Variants in RTKN2 observed in about 807,000 individuals in gnomAD.
RTKN2 encodes rhotekin-2.
Under a neutral mutation model 71.5 loss-of-function variants are expected in RTKN2, and 69 were observed. The ratio of observed to expected loss-of-function variants is 0.96; its 90% CI spans 0.79 to 1.18. RTKN2 has a LOEUF of 1.18. Among genes scored for constraint, RTKN2 ranks in the 50% most tolerant of loss-of-function variants. RTKN2 has a pLI of 0.00. For missense variants in RTKN2, 724 were observed against 719.7 expected, an observed-to-expected ratio of 1.01 and a Z score of -0.07; for synonymous variants, 236 against 236.5, an observed-to-expected ratio of 1.00 and a Z score of 0.02.
At chr10:62,214,567 A>C (rs1841727860) in intron 9 of RTKN2, among the ~76,000 whole-genome samples, 1 of 152,150 alleles carries the variant, frequency 6.6e-6, no homozygotes, top group Non-Finnish European at 1.5e-5. Flanking sequence ...GGCCATATAA[A>C]CATTGTCACC....
intron 1 of RTKN2, among the ~76,000 whole-genome samples, chr10:62,268,056 T>C (rs1842897606): frequency 6.6e-6 from 1 of 152,250 alleles, no homozygotes. Context: ...CAACTTTTTC[T>C]AAAGTGCAGA....
In RTKN2 at chr10:62,196,646, A is replaced by G. The variant is rs1841337825; in HGVS notation, c.*1262T>C. On this transcript the variant is annotated 3_prime_UTR_variant, in exon 12 of 12. Transcript: ENST00000373789. Reference sequence around the variant, plus strand: ...CTCAAGAGATTATACACAGGGCAGCAATTTAATTCTTAAATTTTTATTTCT... The same window carrying G: ...CTCAAGAGATTATACACAGGGCAGCGATTTAATTCTTAAATTTTTATTTCT... The G allele has an allele frequency of 1.0e-6, 1 of 984,910 alleles. No homozygotes were observed. Among genetic ancestry groups the G allele is most frequent in the East Asian group, 1.1e-4 (1 of 8,822 alleles). 61.0% of individuals were successfully genotyped at this position (984,910 alleles called of 1,614,324 possible).
At chr10:62,198,503 T>C (rs1841378311) in intron 11 of RTKN2, 60 bp from the exon 12 acceptor site, 3 of 1,227,824 alleles carry the variant, frequency 2.4e-6, no homozygotes, top group African/African-American at 3.0e-5. Flanking sequence ...GTACTTTATC[T>C]AAATAAGTTC....
intron 8 of RTKN2, among the ~76,000 whole-genome samples, 157 bp downstream of exon 8, chr10:62,218,038 G>A (rs1052916864): frequency 2.6e-5 from 4 of 151,748 alleles, no homozygotes; most frequent in African/African-American, 7.3e-5. Context: ...TTTTCACCCC[G>A]CACCCCCTAC....
chr10:62,209,502 G>T (rs1841616659), intron 9 of RTKN2, among the ~76,000 whole-genome samples: 1 of 151,950 alleles, frequency 6.6e-6, no homozygotes, highest in Non-Finnish European at 1.5e-5. Flanking sequence ...TACAAGTGCA[G>T]GTTTGTTACA....
chr10:62,241,247 T>C, intron 3 of RTKN2, 52 bp from the exon 4 acceptor site: 1 of 1,080,484 alleles, frequency 9.3e-7, no homozygotes, highest in Non-Finnish European at 1.4e-6. Flanking sequence ...TAAGTTTTAT[T>C]CTTTACAGTG....
At chr10:62,220,135 T>A (rs1417548860) in intron 7 of RTKN2, among the ~76,000 whole-genome samples, 1 of 152,214 alleles carries the variant, frequency 6.6e-6, no homozygotes, top group Non-Finnish European at 1.5e-5. Flanking sequence ...AGTTAATATA[T>A]ACATGCAAGG....
chr10:62,244,960 T>C (rs996636197), intron 3 of RTKN2, among the ~76,000 whole-genome samples: 32 of 152,172 alleles, frequency 2.1e-4, no homozygotes, highest in Non-Finnish European at 7.4e-5. Flanking sequence ...ACCTCAAATG[T>C]AGCAGCAGGC....
At chr10:62,226,869 G>A (rs1469861914) in intron 6 of RTKN2, among the ~76,000 whole-genome samples, 1 of 152,212 alleles carries the variant, frequency 6.6e-6, no homozygotes, top group African/African-American at 2.4e-5. Context: ...GGTGAGGCAG[G>A]AGAATTGCTT....
chr10:62,227,199 TTATC>T (rs1344226630), intron 6 of RTKN2, among the ~76,000 whole-genome samples: 2 of 152,198 alleles, frequency 1.3e-5, no homozygotes, highest in East Asian at 1.9e-4. Flanking sequence ...ATTTATATAT[TTATC>T]TATTTTTCCT....
intron 10 of RTKN2, among the ~76,000 whole-genome samples, chr10:62,200,362 C>CAAAAAAAAAAAAAAAAAAAAAAAAAAA (rs67854159): frequency 1.3e-5 from 1 of 79,504 alleles, no homozygotes; most frequent in Non-Finnish European, 2.3e-5. Flanking sequence ...GACTCCGTCT[C>CAAAAAAAAAAAAAAAAAAAAAAAAAAA]AAAAAAAAAA....
chr10:62,225,332 C>A (rs534037862), intron 6 of RTKN2, among the ~76,000 whole-genome samples: 1 of 152,228 alleles, frequency 6.6e-6, no homozygotes, highest in South Asian at 2.1e-4. Context: ...ACCAATCCCC[C>A]CTTCCCACTA....
chr10:62,223,008 G>A (rs1841941866), intron 7 of RTKN2, among the ~76,000 whole-genome samples: 1 of 152,116 alleles, frequency 6.6e-6, no homozygotes. Flanking sequence ...AACAAGGATT[G>A]AGCATACCTG....
intron 2 of RTKN2, among the ~76,000 whole-genome samples, chr10:62,253,626 AATTT>A (rs1476488790): frequency 6.6e-6 from 1 of 152,120 alleles, no homozygotes; most frequent in African/African-American, 2.4e-5. Flanking sequence ...AAAAAATAAA[AATTT>A]ATTTGATTAA....
At chr10:62,200,962 C>T (rs1276097182) in intron 10 of RTKN2, among the ~76,000 whole-genome samples, 1 of 152,010 alleles carries the variant, frequency 6.6e-6, no homozygotes, top group East Asian at 1.9e-4. Context: ...ATGTTTCACA[C>T]TATTTTAATC....
chr10:62,264,745 C>A (rs1842838362), intron 1 of RTKN2, among the ~76,000 whole-genome samples: 2 of 152,132 alleles, frequency 1.3e-5, no homozygotes, highest in South Asian at 2.1e-4. Context: ...ATATTAGAAT[C>A]ATCTGAGGCA....
downstream of RTKN2, among the ~76,000 whole-genome samples, chr10:62,191,094 A>T (rs554989513): frequency 1.3e-5 from 2 of 152,220 alleles, no homozygotes; most frequent in South Asian, 2.1e-4. Flanking sequence ...ATTAATCCTT[A>T]TATCTTTGCA....
intron 2 of RTKN2, among the ~76,000 whole-genome samples, chr10:62,255,596 A>G (rs563665859): frequency 6.6e-6 from 1 of 152,340 alleles, no homozygotes; most frequent in South Asian, 2.1e-4. Context: ...TACAAACCCC[A>G]TTATAAATGT....
At chr10:62,235,670 G>A (rs1842241705) in intron 6 of RTKN2, among the ~76,000 whole-genome samples, 3 of 67,484 alleles carry the variant, frequency 4.4e-5, no homozygotes, top group African/African-American at 1.5e-4. Context: ...TATAAGGTGT[G>A]TGTGTGTGTG....
Sources: allele counts gnomAD v4.1 joint callset (sites outside exome capture counted in the v4.1 genomes callset), GRCh38; gene constraint gnomAD v4.1.1; transcripts MANE v1.5; gene names NCBI Gene and HGNC (gene_info 2026-07-23, HGNC 2026-07-21).